The following CNTN4 variants were observed in gnomAD, a reference collection of about 807,000 sequenced individuals.
The protein encoded by CNTN4 is contactin 4, also known as contactin-4.
A neutral mutation model predicts 122.5 loss-of-function variants in CNTN4; 77 were observed. That is an observed-to-expected ratio of 0.63 (90% CI 0.52 to 0.76). The LOEUF (loss-of-function observed/expected upper bound fraction) is 0.76. Ranked by LOEUF, CNTN4 falls within the 30% of genes least tolerant of loss-of-function variation. CNTN4 has a pLI of 0.00. For synonymous variants in CNTN4, 512 were observed against 447.0 expected (o/e 1.15, Z -1.83); for missense variants, 1,256 against 1,259.1 (o/e 1.00, Z 0.04).
intron 4 of CNTN4, among the ~76,000 whole-genome samples, chr3:2,668,785 G>A (rs558931168): frequency 6.6e-6 from 1 of 152,250 alleles, no homozygotes; most frequent in African/African-American, 2.4e-5. Flanking sequence ...CTAATTTATT[G>A]AGAGTTTTTA....
intron 6 of CNTN4, among the ~76,000 whole-genome samples, chr3:2,755,553 G>A (rs1240317236): frequency 6.6e-6 from 1 of 152,162 alleles, no homozygotes; most frequent in Non-Finnish European, 1.5e-5. Context: ...CATTAATGGT[G>A]ATAATGGGTG....
At chr3:2,177,656 TTGTG>T (rs60145608) in intron 2 of CNTN4, among the ~76,000 whole-genome samples, 9,705 of 147,330 alleles carry the variant, frequency 0.066, 388 homozygotes, top group African/African-American at 0.11. Context: ...GTGTGTGTGT[TTGTG>T]TGTGTGTGTG....
chr3:2,141,544 A>G (rs1330049575), intron 2 of CNTN4, among the ~76,000 whole-genome samples: 2 of 152,182 alleles, frequency 1.3e-5, no homozygotes, highest in Admixed American at 6.5e-5. Context: ...GAACTGTAAG[A>G]TAGTAAATGT....
intron 3 of CNTN4, among the ~76,000 whole-genome samples, chr3:2,462,678 A>G (rs907286854): frequency 2.6e-5 from 4 of 152,224 alleles, no homozygotes; most frequent in African/African-American, 9.6e-5. Context: ...TTATACCTAC[A>G]TTGTATATTT....
chr3:2,802,393 C>T (rs556100584), intron 6 of CNTN4, among the ~76,000 whole-genome samples: 117 of 152,268 alleles, frequency 7.7e-4, no homozygotes, highest in Middle Eastern at 3.4e-3. Flanking sequence ...TTTAGTGGCA[C>T]GTTGTTTTGC....
At chr3:2,450,926 T>A (rs1360106495) in intron 3 of CNTN4, among the ~76,000 whole-genome samples, 1 of 152,122 alleles carries the variant, frequency 6.6e-6, no homozygotes, top group African/African-American at 2.4e-5. Context: ...ACTCACATTG[T>A]TAAAGGAAAA....
chr3:2,293,780 A>T (rs2042212874), intron 2 of CNTN4, among the ~76,000 whole-genome samples: 1 of 152,220 alleles, frequency 6.6e-6, no homozygotes, highest in Non-Finnish European at 1.5e-5. Flanking sequence ...TTACCTAAAT[A>T]TTCTCCAAAA....
chr3:2,712,934 C>T (rs559381165), intron 4 of CNTN4, among the ~76,000 whole-genome samples: 28 of 152,330 alleles, frequency 1.8e-4, no homozygotes, highest in Admixed American at 1.6e-3. Flanking sequence ...GGAAGCTCCA[C>T]GCCCCTTCCC....
At chr3:2,644,243 A>G (rs1221905180) in intron 4 of CNTN4, among the ~76,000 whole-genome samples, 3 of 152,178 alleles carry the variant, frequency 2.0e-5, no homozygotes. Flanking sequence ...GATGCTCTCA[A>G]TAATAGTACC....
At chr3:2,558,439 T>C (rs557195464) in intron 3 of CNTN4, among the ~76,000 whole-genome samples, 10 of 152,316 alleles carry the variant, frequency 6.6e-5, no homozygotes, top group African/African-American at 2.4e-4. Context: ...TAGTCAATCT[T>C]GTTGTAGAAT....
At position 2,285,828 on chromosome 3, in the gene CNTN4, G is replaced by C. The variant is rs952446739; in HGVS notation, c.-144-53350G>C. Among the ~76,000 whole-genome samples the C allele has an allele frequency of 2.6e-5, 4 of 151,740 alleles. No individual in the cohort carries two copies. The East Asian group carries it at 7.7e-4, about 29-fold the overall frequency. ...GTTTTATGGCCTGTATTTCACACTT[G>C]GTTTTATAATATGAACATCTTCCAT... On this transcript the variant is annotated intron_variant, in intron 2 of 24. Coordinates refer to ENST00000418658, the MANE Select transcript of CNTN4 (RefSeq NM_175607.3).
At position 2,336,423 on chromosome 3, in the gene CNTN4, A is replaced by G. The variant is rs147823273; in HGVS notation, c.-144-2755A>G. Among the ~76,000 whole-genome samples, 108 of 152,274 alleles carry G rather than the reference A, an allele frequency of 7.1e-4. 1 individual carries two copies. Among genetic ancestry groups the G allele is most frequent in the African/African-American group, 2.3e-3 (96 of 41,552 alleles). On this transcript the variant is annotated intron_variant, in intron 2 of 24. Transcript: ENST00000418658. Reference sequence around the variant, plus strand: ...ATATTCATGAGCCAGGAATTTTTATATATGGAATTTCCTTACAAATTTGTA... The same window carrying G: ...ATATTCATGAGCCAGGAATTTTTATGTATGGAATTTCCTTACAAATTTGTA...
chr3:2,849,494 A>C (rs1240916513), intron 7 of CNTN4, among the ~76,000 whole-genome samples: 1 of 152,202 alleles, frequency 6.6e-6, no homozygotes, highest in Non-Finnish European at 1.5e-5. Flanking sequence ...GATTTTGGTG[A>C]CTTCTGGATT....
At chr3:2,706,542 C>T (rs1428017782) in intron 4 of CNTN4, among the ~76,000 whole-genome samples, 4 of 152,058 alleles carry the variant, frequency 2.6e-5, no homozygotes, top group Non-Finnish European at 4.4e-5. Context: ...ACATAGTTTG[C>T]ACACTTTATG....
chr3:2,871,437 C>CT (rs2093783078), intron 8 of CNTN4, among the ~76,000 whole-genome samples: 1 of 152,038 alleles, frequency 6.6e-6, no homozygotes, highest in Non-Finnish European at 1.5e-5. Context: ...TCCAAAGTGA[C>CT]TAACGATGTT....
intron 3 of CNTN4, among the ~76,000 whole-genome samples, chr3:2,350,567 A>T (rs1401131918): frequency 2.5e-5 from 3 of 120,454 alleles, no homozygotes; most frequent in African/African-American, 5.7e-5. Context: ...ATACTTAAAT[A>T]AAGAAAAAAA....
intron 3 of CNTN4, among the ~76,000 whole-genome samples, chr3:2,522,709 C>G (rs905166694): frequency 6.6e-6 from 1 of 151,720 alleles, no homozygotes; most frequent in Non-Finnish European, 1.5e-5. Flanking sequence ...ACTCAAGACT[C>G]TGAATTTTTA....
chr3:2,452,456 C>G (rs1034637048), intron 3 of CNTN4, among the ~76,000 whole-genome samples: 4 of 152,094 alleles, frequency 2.6e-5, no homozygotes, highest in African/African-American at 7.2e-5. Context: ...TGGGAAGGGA[C>G]TTAGTCTGGC....
chr3:2,561,743 G>A (rs889823965), intron 3 of CNTN4, among the ~76,000 whole-genome samples: 3 of 152,160 alleles, frequency 2.0e-5, no homozygotes, highest in Non-Finnish European at 2.9e-5. Context: ...ACAGCTAAAT[G>A]GTAGAGCTGG....
Sources: gnomAD v4.1 joint callset for allele counts (sites outside exome capture counted in the v4.1 genomes callset) on GRCh38, gnomAD v4.1.1 for gene constraint, MANE v1.5 for transcripts, NCBI Gene and HGNC (gene_info 2026-07-23, HGNC 2026-07-21) for gene names.